Variants in CTNNA2 observed in about 807,000 individuals in gnomAD.
The protein encoded by CTNNA2 is catenin alpha 2, also known as catenin alpha-2.
In CTNNA2, 42 loss-of-function variants were observed where a neutral mutation model predicts 101.0. The observed-to-expected ratio is 0.42, with a 90% CI of 0.32 to 0.54. CTNNA2 has a LOEUF of 0.54. Ranked by LOEUF, CTNNA2 falls within the 20% of genes least tolerant of loss-of-function variation. The probability of loss-of-function intolerance (pLI) is 0.14; values close to 1 mark genes in which losing one functional copy is unlikely to be tolerated. For synonymous variants in CTNNA2, 450 were observed against 456.4 expected (o/e 0.99, Z 0.18); for missense variants, 871 against 1,223.1 (o/e 0.71, Z 4.29).
intron 4 of CTNNA2, among the ~76,000 whole-genome samples, chr2:79,862,830 A>G (rs550914761): frequency 1.3e-5 from 2 of 152,366 alleles, no homozygotes; most frequent in South Asian, 4.1e-4. Context: ...GATGGAAAAT[A>G]TAATTATGAT....
At chr2:80,043,353 G>A (rs377141519) in intron 7 of CTNNA2, among the ~76,000 whole-genome samples, 19 of 151,300 alleles carry the variant, frequency 1.3e-4, no homozygotes, top group Middle Eastern at 3.4e-3. Context: ...ACATGCCACC[G>A]CGCCCAGCTG....
At chr2:79,621,164 C>T (rs1212623985) in intron 1 of CTNNA2, among the ~76,000 whole-genome samples, 3 of 152,112 alleles carry the variant, frequency 2.0e-5, no homozygotes, top group Non-Finnish European at 2.9e-5. Flanking sequence ...ACCCCATTTT[C>T]GTAAAACTGT....
At chr2:79,744,297 A>G in intron 2 of CTNNA2, 90 bp from the exon 3 acceptor site, 2 of 1,265,660 alleles carry the variant, frequency 1.6e-6, no homozygotes, top group Non-Finnish European at 2.2e-6. Flanking sequence ...CCATGATTTA[A>G]TAAACACGGA....
intron 3 of CTNNA2, among the ~76,000 whole-genome samples, chr2:79,372,439 T>C (rs1400508957): frequency 6.6e-6 from 1 of 152,172 alleles, no homozygotes; most frequent in African/African-American, 2.4e-5. Context: ...AAGGTAATCA[T>C]GTGCTCTGTG....
At chr2:79,385,245 T>C (rs944372996) in intron 4 of CTNNA2, among the ~76,000 whole-genome samples, 9 of 152,140 alleles carry the variant, frequency 5.9e-5, no homozygotes, top group African/African-American at 2.2e-4. Flanking sequence ...TAGCAGGTAC[T>C]AGAAAGAGAT....
intron 7 of CTNNA2, among the ~76,000 whole-genome samples, chr2:80,084,970 T>G (rs771575243): frequency 2.0e-5 from 3 of 152,006 alleles, no homozygotes; most frequent in Non-Finnish European, 2.9e-5. Flanking sequence ...AAGAAGCAGA[T>G]AGTAGTATGT....
At chr2:79,772,192 C>G (rs1181177599) in intron 3 of CTNNA2, among the ~76,000 whole-genome samples, 1 of 152,006 alleles carries the variant, frequency 6.6e-6, no homozygotes, top group African/African-American at 2.4e-5. Flanking sequence ...ATGACAGATG[C>G]TGAACTAAGA....
At chr2:80,470,990 G>A (rs1171957116) in intron 9 of CTNNA2, among the ~76,000 whole-genome samples, 1 of 152,120 alleles carries the variant, frequency 6.6e-6, no homozygotes, top group Admixed American at 6.5e-5. Context: ...CAGCCCAGAA[G>A]ACAACATGTG....
Position 79,242,993 on chromosome 2 carries a change from TACAC to T in CTNNA2, c.-406+44950_-406+44953del, listed in dbSNP as rs1161415099. Among the ~76,000 whole-genome samples the T allele has an allele frequency of 1.3e-3, 149 of 116,716 alleles. 1 individual carries two copies. Among genetic ancestry groups the T allele is most frequent in the Admixed American group, 2.2e-3 (24 of 11,030 alleles). The allele number at this position is 116,716 out of a possible 152,430, so 76.6% of individuals were successfully genotyped here. A position where few individuals can be genotyped will look rare whatever the true frequency, so the allele number is the denominator to read the frequency against. The stretch of plus-strand genomic sequence containing the variant: ...AAATATATATATATATATATATATA[TACAC>T]ACACACACACACACACACACACACA... On this transcript the variant is annotated intron_variant, in intron 2 of 21. Coordinates refer to the CTNNA2 transcript ENST00000466387.
At chr2:79,610,276 T>G (rs1053364324) in intron 1 of CTNNA2, among the ~76,000 whole-genome samples, 1 of 152,158 alleles carries the variant, frequency 6.6e-6, no homozygotes, top group Admixed American at 6.6e-5. Context: ...TTTGTGAGAA[T>G]GTGGAGAATT....
At chr2:80,110,531 A>G (rs572039913) in intron 7 of CTNNA2, among the ~76,000 whole-genome samples, 19 of 152,308 alleles carry the variant, frequency 1.2e-4, no homozygotes, top group African/African-American at 4.6e-4. Context: ...AGAATTAATT[A>G]GCTAAAGAAG....
intron 3 of CTNNA2, among the ~76,000 whole-genome samples, chr2:79,837,073 T>A (rs1335501874): frequency 1.3e-5 from 2 of 152,224 alleles, no homozygotes; most frequent in Non-Finnish European, 2.9e-5. Flanking sequence ...TAAACCCATT[T>A]GAATCTGTGT....
At chr2:79,329,714 T>A (rs956549928) in intron 3 of CTNNA2, among the ~76,000 whole-genome samples, 1 of 152,170 alleles carries the variant, frequency 6.6e-6, no homozygotes, top group East Asian at 1.9e-4. Flanking sequence ...TGTGTTCTGA[T>A]GAGAGACACT....
At chr2:80,384,008 C>T (rs2149353215) in intron 7 of CTNNA2, among the ~76,000 whole-genome samples, 1 of 152,260 alleles carries the variant, frequency 6.6e-6, no homozygotes, top group Non-Finnish European at 1.5e-5. Context: ...AGATCATGTT[C>T]TTTGCAGCAA....
At chr2:79,201,105 T>G (rs1381297845) in intron 2 of CTNNA2, among the ~76,000 whole-genome samples, 1 of 151,786 alleles carries the variant, frequency 6.6e-6, no homozygotes, top group Non-Finnish European at 1.5e-5. Flanking sequence ...CCTTTTTTTG[T>G]GGAAATTTAG....
intron 4 of CTNNA2, chr2:79,493,731 A>C (rs972858269): frequency 6.6e-6 from 1 of 152,230 alleles, no homozygotes; most frequent in African/African-American, 2.4e-5. Context: ...CAGCAATCTC[A>C]GTCTGGTTAA....
At chr2:80,440,499 C>T (rs552181698) in intron 9 of CTNNA2, among the ~76,000 whole-genome samples, 49 of 152,288 alleles carry the variant, frequency 3.2e-4, no homozygotes, top group African/African-American at 1.0e-3. Context: ...TTCTAAGATG[C>T]CCATCTGCAT....
chr2:79,888,987 A>AT (rs1315264022), intron 6 of CTNNA2, among the ~76,000 whole-genome samples: 1 of 152,102 alleles, frequency 6.6e-6, no homozygotes, highest in Non-Finnish European at 1.5e-5. Context: ...AAAATGTTTG[A>AT]TTTTTTAATC....
At chr2:79,619,340 A>C (rs1678850089) in intron 1 of CTNNA2, among the ~76,000 whole-genome samples, 1 of 152,248 alleles carries the variant, frequency 6.6e-6, no homozygotes, top group Non-Finnish European at 1.5e-5. Flanking sequence ...ACCAAGAGTG[A>C]TAATTGAGTA....
Sources: gnomAD v4.1 joint callset for allele counts (sites outside exome capture counted in the v4.1 genomes callset) on GRCh38, gnomAD v4.1.1 for gene constraint, MANE v1.5 for transcripts, NCBI Gene and HGNC (gene_info 2026-07-23, HGNC 2026-07-21) for gene names.